The following GALNT17 variants were observed in gnomAD, a reference collection of about 807,000 sequenced individuals.
GALNT17 encodes the protein polypeptide N-acetylgalactosaminyltransferase 17.
A neutral mutation model predicts 63.7 loss-of-function variants in GALNT17; 29 were observed. That is an observed-to-expected ratio of 0.46 (90% CI 0.34 to 0.62). GALNT17 has a LOEUF of 0.62. GALNT17 is among the 20% of genes least tolerant of loss of function. GALNT17 has a pLI of 0.01. For missense variants in GALNT17, 603 were observed against 799.6 expected, an observed-to-expected ratio of 0.75 and a Z score of 2.97; for synonymous variants, 305 against 318.3, an observed-to-expected ratio of 0.96 and a Z score of 0.45.
At chr7:71,488,357 T>A (rs920485633) in intron 5 of GALNT17, among the ~76,000 whole-genome samples, 2 of 151,944 alleles carry the variant, frequency 1.3e-5, no homozygotes, top group Admixed American at 6.6e-5. Flanking sequence ...TACAGCGTAG[T>A]CCTTCCAGTC....
chr7:71,414,605 T>C (rs1793491297), intron 3 of GALNT17, among the ~76,000 whole-genome samples: 1 of 152,162 alleles, frequency 6.6e-6, no homozygotes, highest in Admixed American at 6.5e-5. Context: ...AGGAACTCAT[T>C]TGATACCCGG....
chr7:71,691,655 G>C (rs1428544616), intron 9 of GALNT17, among the ~76,000 whole-genome samples: 3 of 152,148 alleles, frequency 2.0e-5, no homozygotes, highest in African/African-American at 4.8e-5. Context: ...GTGTCTTCCG[G>C]GAAGTTTAGC....
intron 2 of GALNT17, among the ~76,000 whole-genome samples, chr7:71,380,773 T>C (rs1792830505): frequency 6.6e-6 from 1 of 152,082 alleles, no homozygotes; most frequent in Admixed American, 6.6e-5. Context: ...CTTGAACTCC[T>C]GGACTCAGCT....
chr7:71,408,017 A>G (rs1401394192), intron 3 of GALNT17, among the ~76,000 whole-genome samples: 2 of 152,168 alleles, frequency 1.3e-5, no homozygotes, highest in African/African-American at 2.4e-5. Context: ...AATGTACTCA[A>G]TGCCAGTGAA....
intron 1 of GALNT17, among the ~76,000 whole-genome samples, chr7:71,244,432 C>T (rs1373007469): frequency 6.6e-6 from 1 of 152,144 alleles, no homozygotes; most frequent in African/African-American, 2.4e-5. Flanking sequence ...TGGTCAGGAG[C>T]TGAGTCTTTG....
Position 71,710,858 on chromosome 7 carries a change from G to A in GALNT17, c.1598G>A (p.Ser533Asn), listed in dbSNP as rs1220764801. 6.2e-7 allele frequency: 1 copy of A among 1,613,954 alleles called. No individual in the cohort carries two copies. Among genetic ancestry groups the A allele is most frequent in the African/African-American group, 1.3e-5 (1 of 75,042 alleles). ...DTRCLVDNSK[S>N]RLPQLLDCDK... ...CGCTGCCTGGTGGACAACTCCAAGA[G>A]TCGGCTGCCCCAGCTCCTGGACTGC... The change falls in exon 10 of 11, where the codon AGT becomes AAT. Residue 533 changes from serine (S) to asparagine (N), a missense_variant. Ser to Asn is a conservative substitution (Grantham distance 46, BLOSUM62 1). Coordinates refer to ENST00000333538, the MANE Select transcript of GALNT17 (RefSeq NM_022479.3).
intron 1 of GALNT17, among the ~76,000 whole-genome samples, chr7:71,276,040 TATA>T (rs1215559383): frequency 6.6e-6 from 1 of 152,254 alleles, no homozygotes. Flanking sequence ...GATTTGTTGC[TATA>T]ATGTTTACTT....
chr7:71,294,930 C>T lies in GALNT17; in HGVS notation c.239-40620C>T, dbSNP rs1385013638. Among the ~76,000 whole-genome samples the T allele has an allele frequency of 5.9e-5, 9 of 152,212 alleles. No individual in the cohort carries two copies. The East Asian group carries it at 7.7e-4, about 13-fold the overall frequency. On this transcript the variant is annotated intron_variant, in intron 1 of 10. Transcript: ENST00000333538. ...TTTAATCCCCTCTCTCCTGATGCTG[C>T]GATAGTCTGCATTAATGTTGAAGCT...
chr7:71,598,407 G>A (rs1789919127), intron 6 of GALNT17, among the ~76,000 whole-genome samples: 2 of 152,216 alleles, frequency 1.3e-5, no homozygotes, highest in South Asian at 4.1e-4. Flanking sequence ...TGGGTCATCA[G>A]AGATATAGGC....
intron 5 of GALNT17, among the ~76,000 whole-genome samples, chr7:71,433,871 CT>C (rs1786911597): frequency 6.6e-6 from 1 of 152,160 alleles, no homozygotes; most frequent in African/African-American, 2.4e-5. Context: ...ATTTGAGTCA[CT>C]GGACTGGGAG....
intron 8 of GALNT17, 124 bp downstream of exon 8, chr7:71,670,233 C>T: frequency 7.5e-7 from 1 of 1,327,128 alleles, no homozygotes; most frequent in Admixed American, 1.9e-5. Context: ...GGTGCTGGCC[C>T]TGATAGCAAG....
intron 1 of GALNT17, among the ~76,000 whole-genome samples, chr7:71,163,918 C>T (rs1788391357): frequency 6.6e-6 from 1 of 152,144 alleles, no homozygotes; most frequent in South Asian, 2.1e-4. Context: ...CTGCTATTAC[C>T]TTTTAGTAGC....
intron 1 of GALNT17, among the ~76,000 whole-genome samples, chr7:71,148,876 ATATATATATATATATATG>A (rs1462533349): frequency 7.0e-6 from 1 of 142,428 alleles, no homozygotes; most frequent in Non-Finnish European, 1.5e-5. Flanking sequence ...ATATATATAT[ATATATATATATATATATG>A]TATACCATAG....
chr7:71,595,991 T>C (rs1393702236), intron 6 of GALNT17, among the ~76,000 whole-genome samples: 3 of 152,164 alleles, frequency 2.0e-5, no homozygotes, highest in African/African-American at 7.2e-5. Context: ...TTTTTTATAT[T>C]CTTTGCGGGT....
chr7:71,138,653 G>A (rs557875105), intron 1 of GALNT17, among the ~76,000 whole-genome samples: 10 of 152,182 alleles, frequency 6.6e-5, no homozygotes, highest in South Asian at 4.1e-4. Flanking sequence ...ACATGATTGC[G>A]TGTAGGCTTT....
At chr7:71,634,488 T>C (rs1790500049) in intron 6 of GALNT17, among the ~76,000 whole-genome samples, 1 of 152,134 alleles carries the variant, frequency 6.6e-6, no homozygotes, top group Non-Finnish European at 1.5e-5. Context: ...GCACGGTGGC[T>C]CACGCCTGTA....
chr7:71,200,640 C>T lies in GALNT17; in HGVS notation c.238+67600C>T, dbSNP rs146550053. Among the ~76,000 whole-genome samples, 481 of 152,150 alleles carry T rather than the reference C, an allele frequency of 3.2e-3. 1 individual carries two copies. The highest frequency in any genetic ancestry group is 0.011 in the African/African-American group (467 of 41,524). On this transcript the variant is annotated intron_variant, in intron 1 of 10. Coordinates refer to ENST00000333538, the MANE Select transcript of GALNT17 (RefSeq NM_022479.3). ...TTATTTAAACACATGGAGCTTTTTGCGTGGTTATAGTCATTATGGATATTC... is the reference window on the plus strand; with the variant it reads ...TTATTTAAACACATGGAGCTTTTTGTGTGGTTATAGTCATTATGGATATTC...
At chr7:71,528,365 A>G (rs902109267) in intron 5 of GALNT17, among the ~76,000 whole-genome samples, 1 of 152,172 alleles carries the variant, frequency 6.6e-6, no homozygotes, top group African/African-American at 2.4e-5. Context: ...CAACAGCAAA[A>G]TTGAGAAGAC....
chr7:71,391,396 A>G (rs1315241534), intron 3 of GALNT17, among the ~76,000 whole-genome samples: 1 of 152,180 alleles, frequency 6.6e-6, no homozygotes, highest in Non-Finnish European at 1.5e-5. Flanking sequence ...ACAGGGTTAG[A>G]CACTTAGTGG....
Sources: gnomAD v4.1 joint callset for allele counts (sites outside exome capture counted in the v4.1 genomes callset) on GRCh38, gnomAD v4.1.1 for gene constraint, MANE v1.5 for transcripts, NCBI Gene and HGNC (gene_info 2026-07-23, HGNC 2026-07-21) for gene names.